NLRP1: variants seen among roughly 807,000 people sequenced by gnomAD.
NLRP1 encodes the protein NACHT, LRR and PYD domains-containing protein 1.
A neutral mutation model predicts 136.7 loss-of-function variants in NLRP1; 94 were observed. That is an observed-to-expected ratio of 0.69 (90% CI 0.58 to 0.82). The LOEUF (loss-of-function observed/expected upper bound fraction) is 0.82, where lower values mean the gene tolerates loss of function less well. NLRP1 is among the 40% of genes least tolerant of loss of function. NLRP1 has a pLI of 0.00. For synonymous variants in NLRP1, 690 were observed against 725.1 expected (o/e 0.95, Z 0.78); for missense variants, 1,575 against 1,802.7 (o/e 0.87, Z 2.29).
chr17:5,536,982 T>C (rs756739903), intron 7 of NLRP1, 42 bp from the exon 8 acceptor site: 49 of 1,436,474 alleles, frequency 3.4e-5, no homozygotes, highest in Non-Finnish European at 4.5e-5. Flanking sequence ...GGATCCCCCA[T>C]GTGGTCCCCA....
At chr17:5,551,134 G>T (rs896383557) in intron 5 of NLRP1, among the ~76,000 whole-genome samples, 2 of 152,026 alleles carry the variant, frequency 1.3e-5, no homozygotes, top group Non-Finnish European at 2.9e-5. Flanking sequence ...ATGTATGAAC[G>T]ATTACAGTAT....
downstream of NLRP1, among the ~76,000 whole-genome samples, chr17:5,511,673 CG>C (rs1302399874): frequency 6.6e-6 from 1 of 152,102 alleles, no homozygotes; most frequent in Non-Finnish European, 1.5e-5. Context: ...GCGGGGCATG[CG>C]GGGGTTGCGG....
At chr17:5,558,207 G>A (rs1914309754) in intron 4 of NLRP1, 132 bp downstream of exon 4, 1 of 890,540 alleles carries the variant, frequency 1.1e-6, no homozygotes, top group Non-Finnish European at 1.7e-6. Flanking sequence ...GCAGTTAGAA[G>A]TCACTGGAGA....
chr17:5,501,628 T>G (rs1164004569), exon 16 of NLRP1: 1 of 554,598 alleles, frequency 1.8e-6, no homozygotes, highest in Non-Finnish European at 3.3e-6. Flanking sequence ...TTTTCTCTTC[T>G]TGCTCTTCAC....
At chr17:5,511,305 G>A (rs1275634945), downstream of NLRP1, among the ~76,000 whole-genome samples, 1 of 151,996 alleles carries the variant, frequency 6.6e-6, no homozygotes, top group Non-Finnish European at 1.5e-5. Context: ...GGTGGTGGGC[G>A]CCTGTAATCC....
chr17:5,502,001 C>A, intron 15 of NLRP1: 1 of 786,198 alleles, frequency 1.3e-6, no homozygotes, highest in Non-Finnish European at 2.2e-6. Flanking sequence ...CTGCCTCCTG[C>A]AAGTGAAAGG....
downstream of NLRP1, among the ~76,000 whole-genome samples, chr17:5,509,853 G>A (rs1907534299): frequency 6.6e-6 from 1 of 152,030 alleles, no homozygotes; most frequent in Non-Finnish European, 1.5e-5. Context: ...CCTGTTCCAA[G>A]TGGCCCACTT....
intron 8 of NLRP1, among the ~76,000 whole-genome samples, chr17:5,535,234 C>A (rs1910892284): frequency 6.6e-6 from 1 of 151,252 alleles, no homozygotes; most frequent in Admixed American, 6.6e-5. Context: ...AAAAAAAAGA[C>A]ACAGATTCCT....
At chr17:5,563,360 C>G (rs1914974504) in intron 3 of NLRP1, among the ~76,000 whole-genome samples, 1 of 152,054 alleles carries the variant, frequency 6.6e-6, no homozygotes, top group South Asian at 2.1e-4. Flanking sequence ...AAAATCCAGT[C>G]CAAGCAATCT....
At chr17:5,540,417 G>A (rs572658882) in intron 6 of NLRP1, among the ~76,000 whole-genome samples, 1 of 152,210 alleles carries the variant, frequency 6.6e-6, no homozygotes, top group East Asian at 1.9e-4. Flanking sequence ...CTCTGCTCTT[G>A]GGGTCTCAGC....
At chr17:5,515,366 A>G in intron 16 of NLRP1, 107 bp downstream of exon 16, 2 of 976,892 alleles carry the variant, frequency 2.0e-6, no homozygotes, top group South Asian at 2.7e-5. Context: ...ACTCTTTGTG[A>G]GGTTTGCAGT....
At chr17:5,578,740 A>G (rs1905265013) in intron 3 of NLRP1, among the ~76,000 whole-genome samples, 2 of 151,996 alleles carry the variant, frequency 1.3e-5, no homozygotes, top group African/African-American at 4.8e-5. Context: ...ATACCATTTG[A>G]CCCAGCCATC....
chr17:5,553,235 AT>A lies in NLRP1; in HGVS notation c.2528+150del, dbSNP rs1312386087. On this transcript the variant is annotated intron_variant, in intron 5 of 16. Coordinates refer to ENST00000572272, the MANE Select transcript of NLRP1 (RefSeq NM_033004.4). ...TTTTTTTTTATGAGCAAAAAATCCT[AT>A]CTGTGTTTGTTTACTAAAGTCATCC... 1.7e-5 allele frequency: 11 copies of A among 644,808 alleles called. No homozygotes were observed. In the African/African-American group the frequency reaches 2.0e-4, roughly 12 times the overall value. The allele number at this position is 644,808 out of a possible 1,614,324, so 39.9% of individuals were successfully genotyped here. A position where few individuals can be genotyped will look rare whatever the true frequency, so the allele number is the denominator to read the frequency against.
At chr17:5,570,293 C>T (rs1455598226) in intron 3 of NLRP1, among the ~76,000 whole-genome samples, 2 of 151,542 alleles carry the variant, frequency 1.3e-5, no homozygotes, top group African/African-American at 4.8e-5. Flanking sequence ...ATGGAAAAAA[C>T]CATACAAAAG....
chr17:5,520,934 A>G lies in NLRP1; in HGVS notation c.3862T>C (p.Cys1288Arg). Residue 1288 changes from cysteine (C) to arginine (R), a missense_variant, in exon 14 of 17, where the codon TGT becomes CGT. By Grantham distance (180) the Cys-to-Arg change is radical. Coordinates refer to ENST00000572272, the MANE Select transcript of NLRP1 (RefSeq NM_033004.4). Reference protein sequence around the residue: ...PPPLTPLYMGCRYTVSGSGSG... With the variant: ...PPPLTPLYMGRRYTVSGSGSG... ...CCAGACCCAGACACAGTGTAACGAC[A>G]GCCCATATAAAGTGGGGTCAGCGGG... The G allele has an allele frequency of 6.2e-7, 1 of 1,612,474 alleles. No homozygotes were observed. Among genetic ancestry groups the G allele is most frequent in the African/African-American group, 1.3e-5 (1 of 75,022 alleles).
chr17:5,580,958 TCA>T (rs1318803371), intron 3 of NLRP1, among the ~76,000 whole-genome samples: 3 of 152,228 alleles, frequency 2.0e-5, no homozygotes, highest in Non-Finnish European at 2.9e-5. Flanking sequence ...TATTTTAGAC[TCA>T]CGCGGTATAT....
downstream of NLRP1, among the ~76,000 whole-genome samples, chr17:5,509,887 A>C (rs1907536156): frequency 6.6e-6 from 1 of 152,162 alleles, no homozygotes; most frequent in Admixed American, 6.5e-5. Context: ...AACTTCATGT[A>C]GGGTGGATTA....
chr17:5,533,861 T>A, intron 9 of NLRP1, 36 bp downstream of exon 9: 1 of 1,409,386 alleles, frequency 7.1e-7, no homozygotes, highest in Non-Finnish European at 1.0e-6. Context: ...CCCCAACCCC[T>A]GTCACGATGC....
chr17:5,553,597 T>A (rs372386042), intron 4 of NLRP1, 41 bp from the exon 5 acceptor site: 18 of 1,584,664 alleles, frequency 1.1e-5, no homozygotes, highest in Non-Finnish European at 1.6e-5. Flanking sequence ...GTGATGTGTC[T>A]GGCAGGGGTT....
Sources: gnomAD v4.1 joint callset for allele counts (sites outside exome capture counted in the v4.1 genomes callset) on GRCh38, gnomAD v4.1.1 for gene constraint, MANE v1.5 for transcripts, NCBI Gene and HGNC (gene_info 2026-07-23, HGNC 2026-07-21) for gene names.